The following TENM1 variants were observed in gnomAD, a reference collection of about 807,000 sequenced individuals.
The protein encoded by TENM1 is teneurin-1.
A neutral mutation model predicts 174.8 loss-of-function variants in TENM1; 35 were observed. The ratio of observed to expected loss-of-function variants is 0.20; its 90% CI spans 0.15 to 0.27. The LOEUF is 0.27. Among genes scored for constraint, TENM1 ranks in the 10% least tolerant of loss-of-function variants. The pLI is 1.00. For missense variants in TENM1, 1,633 were observed against 2,130.1 expected (o/e 0.77, Z 4.59); for synonymous variants, 781 against 798.7 (o/e 0.98, Z 0.37).
chrX:124,688,467 A>G (rs2052430241), intron 5 of TENM1: 1 of 109,411 alleles, frequency 9.1e-6, no homozygotes, highest in Non-Finnish European at 1.9e-5. Flanking sequence ...TTTTCTCCAG[A>G]GAGTAGTTTT....
the TENM1 span, among the ~76,000 whole-genome samples, chrX:124,991,478 G>T: frequency 3.7e-5 from 4 of 109,348 alleles, no homozygotes; most frequent in African/African-American, 1.3e-4. Flanking sequence ...GTCGGGGAGT[G>T]GGGGAGAGAG....
At chrX:124,504,021 A>C in intron 18 of TENM1, among the ~76,000 whole-genome samples, 1 of 111,611 alleles carries the variant, frequency 9.0e-6, no homozygotes, top group South Asian at 3.8e-4. Context: ...TGTAAAACTG[A>C]AGAGAGATGC....
intron 23 of TENM1, among the ~76,000 whole-genome samples, chrX:124,433,882 T>C (rs753284191): frequency 8.9e-6 from 1 of 111,782 alleles, no homozygotes; most frequent in South Asian, 3.8e-4. Flanking sequence ...ATGTGTATGT[T>C]TGATGGTACA....
chrX:124,824,688 T>G (rs1477977258), intron 3 of TENM1, among the ~76,000 whole-genome samples: 1 of 112,094 alleles, frequency 8.9e-6, no homozygotes, highest in Non-Finnish European at 1.9e-5. Flanking sequence ...GCAGCAAAAT[T>G]GGAATCATGA....
intron 3 of TENM1, among the ~76,000 whole-genome samples, chrX:124,809,448 C>T (rs1160032664): frequency 9.0e-6 from 1 of 111,276 alleles, no homozygotes; most frequent in Non-Finnish European, 1.9e-5. Flanking sequence ...ACTAGCAAAC[C>T]TACTTCAAAA....
intron 22 of TENM1, among the ~76,000 whole-genome samples, chrX:124,466,112 T>C (rs1057453790): frequency 8.9e-5 from 10 of 111,783 alleles, no homozygotes; most frequent in Non-Finnish European, 1.9e-4. Context: ...TATAATGGCA[T>C]CTCTGGATTC....
intron 3 of TENM1, among the ~76,000 whole-genome samples, chrX:124,854,031 G>A (rs1001039527): frequency 6.3e-5 from 7 of 110,248 alleles, no homozygotes; most frequent in African/African-American, 2.0e-4. Flanking sequence ...GAGACCAGAA[G>A]TGATTCAGTG....
chrX:124,593,452 C>T (rs374759865), intron 11 of TENM1, among the ~76,000 whole-genome samples: 6 of 111,368 alleles, frequency 5.4e-5, no homozygotes, highest in African/African-American at 1.3e-4. Flanking sequence ...TGGTGTGGAG[C>T]GGAAGGGGCC....
chrX:125,194,633 A>T, the TENM1 span, among the ~76,000 whole-genome samples: 3 of 111,952 alleles, frequency 2.7e-5, no homozygotes, highest in African/African-American at 9.7e-5. Context: ...GCAAAATACC[A>T]ACCCATTCAT....
upstream of TENM1, among the ~76,000 whole-genome samples, chrX:124,966,661 CA>C (rs752282277): frequency 3.8e-3 from 234 of 61,547 alleles, no homozygotes; most frequent in East Asian, 0.053. Context: ...GACTCCGTCT[CA>C]AAAAAAAAAA....
At chrX:124,609,146 G>T (rs2050226711) in intron 11 of TENM1, among the ~76,000 whole-genome samples, 1 of 111,359 alleles carries the variant, frequency 9.0e-6, no homozygotes, top group Non-Finnish European at 1.9e-5. Context: ...ACACACAGGG[G>T]GTTTTTGAAT....
chrX:124,592,434 G>GTTT (rs751493445), intron 11 of TENM1, among the ~76,000 whole-genome samples: 7 of 85,477 alleles, frequency 8.2e-5, no homozygotes, highest in South Asian at 6.0e-4. Context: ...AATATTATTG[G>GTTT]TTTTTTTTTT....
At chrX:125,109,351 C>T in the TENM1 span, among the ~76,000 whole-genome samples, 3 of 111,640 alleles carry the variant, frequency 2.7e-5, no homozygotes, top group Admixed American at 1.9e-4. Flanking sequence ...AACTGGGACT[C>T]AGTAATTGGT....
At chrX:124,615,875 T>C (rs920358693) in intron 11 of TENM1, among the ~76,000 whole-genome samples, 2 of 112,383 alleles carry the variant, frequency 1.8e-5, no homozygotes, top group Non-Finnish European at 3.8e-5. Flanking sequence ...GTTGGTATTA[T>C]TATGTTTCTT....
At chrX:125,183,321 A>G in the TENM1 span, among the ~76,000 whole-genome samples, 3 of 112,232 alleles carry the variant, frequency 2.7e-5, no homozygotes, top group African/African-American at 6.5e-5. Context: ...GGAAGAGTCA[A>G]TGGTCCTTCA....
chrX:124,527,818 T>C (rs2048014527), intron 16 of TENM1, among the ~76,000 whole-genome samples: 1 of 104,030 alleles, frequency 9.6e-6, no homozygotes, highest in Non-Finnish European at 2.0e-5. Context: ...CCAGCTATTT[T>C]TTTTTTTTTT....
At chrX:125,021,797 T>C in the TENM1 span, among the ~76,000 whole-genome samples, 1 of 112,809 alleles carries the variant, frequency 8.9e-6, no homozygotes, top group Non-Finnish European at 1.9e-5. Flanking sequence ...CTGTCCTTCT[T>C]TGATTTTTTG....
intron 22 of TENM1, among the ~76,000 whole-genome samples, chrX:124,469,324 A>ACTT (rs2061274062): frequency 8.9e-6 from 1 of 112,143 alleles, no homozygotes; most frequent in Non-Finnish European, 1.9e-5. Context: ...TTCATTCAGT[A>ACTT]CTTATTCTGT....
chrX:125,008,943 G>T, the TENM1 span, among the ~76,000 whole-genome samples: 1 of 110,936 alleles, frequency 9.0e-6, no homozygotes, highest in African/African-American at 3.3e-5. Context: ...AAGATCTGAA[G>T]TCGACACCCT....
Sources: gnomAD v4.1 joint callset for allele counts (sites outside exome capture counted in the v4.1 genomes callset) on GRCh38, gnomAD v4.1.1 for gene constraint, MANE v1.5 for transcripts, NCBI Gene and HGNC (gene_info 2026-07-23, HGNC 2026-07-21) for gene names.